The following SHOC2 variants were observed in gnomAD, a reference collection of about 807,000 sequenced individuals.
The protein encoded by SHOC2 is leucine-rich repeat protein SHOC-2.
SHOC2 carries 4 observed loss-of-function variants against 50.2 expected under a neutral mutation model. The observed-to-expected ratio is 0.08, with a 90% CI of 0.04 to 0.18. The LOEUF is 0.18. Ranked by LOEUF, SHOC2 falls within the 10% of genes least tolerant of loss-of-function variation. The pLI is 1.00. For missense variants in SHOC2, 388 were observed against 669.6 expected (o/e 0.58, Z 4.64); for synonymous variants, 218 against 244.5 (o/e 0.89, Z 1.01).
chr10:110,935,717 T>G (rs1054905308), intron 1 of SHOC2, among the ~76,000 whole-genome samples: 12 of 152,206 alleles, frequency 7.9e-5, no homozygotes, highest in Non-Finnish European at 1.6e-4. Context: ...TTATAGCTAA[T>G]GGACTAAGAG....
At chr10:110,975,039 A>T (rs1262961323) in intron 2 of SHOC2, among the ~76,000 whole-genome samples, 1 of 152,230 alleles carries the variant, frequency 6.6e-6, no homozygotes, top group Non-Finnish European at 1.5e-5. Flanking sequence ...TAACCATTGT[A>T]TAGTGATCAG....
intron 1 of SHOC2, among the ~76,000 whole-genome samples, chr10:110,923,697 A>G (rs559685496): frequency 6.6e-6 from 1 of 152,216 alleles, no homozygotes; most frequent in Non-Finnish European, 1.5e-5. Context: ...AAGAGTGAAC[A>G]TACTGCTTGT....
At chr10:110,942,030 A>G (rs1382616639) in intron 1 of SHOC2, among the ~76,000 whole-genome samples, 1 of 152,170 alleles carries the variant, frequency 6.6e-6, no homozygotes, top group African/African-American at 2.4e-5. Flanking sequence ...GCACCATCCA[A>G]AGAATTTTTC....
chr10:110,992,140 G>A (rs1848196094), intron 3 of SHOC2, among the ~76,000 whole-genome samples: 1 of 151,898 alleles, frequency 6.6e-6, no homozygotes, highest in South Asian at 2.1e-4. Context: ...GAACATTCCT[G>A]GAGTAACTAT....
intron 1 of SHOC2, among the ~76,000 whole-genome samples, chr10:110,960,867 G>A (rs1036504423): frequency 1.4e-4 from 21 of 152,028 alleles, no homozygotes; most frequent in African/African-American, 4.8e-4. Flanking sequence ...AGTAGAGATG[G>A]CGTTTCACCA....
intron 3 of SHOC2, among the ~76,000 whole-genome samples, chr10:110,996,814 C>T (rs922680423): frequency 6.6e-6 from 1 of 152,098 alleles, no homozygotes; most frequent in Admixed American, 6.5e-5. Flanking sequence ...AGAGTTCTGA[C>T]AGTGGATAAC....
intron 5 of SHOC2, 67 bp from the exon 6 acceptor site, chr10:111,007,464 G>A: frequency 6.5e-7 from 1 of 1,536,298 alleles, no homozygotes; most frequent in Non-Finnish European, 9.0e-7. Context: ...TCTTTCCGAA[G>A]TGACAGGTAT....
At chr10:110,972,688 T>G (rs537630767) in intron 2 of SHOC2, among the ~76,000 whole-genome samples, 1 of 152,154 alleles carries the variant, frequency 6.6e-6, no homozygotes, top group African/African-American at 2.4e-5. Context: ...CTACAAAAAA[T>G]TAGCTGGGCA....
intron 3 of SHOC2, among the ~76,000 whole-genome samples, chr10:110,990,851 A>G (rs943273652): frequency 6.6e-6 from 1 of 152,194 alleles, no homozygotes; most frequent in Admixed American, 6.5e-5. Flanking sequence ...TTGAAATGTT[A>G]TCAAGTGATT....
chr10:110,983,079 G>T (rs1248726234), intron 2 of SHOC2, among the ~76,000 whole-genome samples: 2 of 151,974 alleles, frequency 1.3e-5, no homozygotes, highest in Non-Finnish European at 2.9e-5. Flanking sequence ...AAATAATTAG[G>T]TTATATCTTA....
At chr10:110,953,711 T>C (rs1847401616) in intron 1 of SHOC2, among the ~76,000 whole-genome samples, 1 of 151,648 alleles carries the variant, frequency 6.6e-6, no homozygotes, top group African/African-American at 2.4e-5. Context: ...GAGATATATA[T>C]ATACACACAC....
chr10:110,921,510 A>G (rs1369803662), intron 1 of SHOC2, among the ~76,000 whole-genome samples: 1 of 152,074 alleles, frequency 6.6e-6, no homozygotes, highest in African/African-American at 2.4e-5. Flanking sequence ...AGGGTACTGC[A>G]TTTTCCCAAG....
intron 2 of SHOC2, among the ~76,000 whole-genome samples, chr10:110,969,359 T>G (rs1357767487): frequency 6.6e-6 from 1 of 152,194 alleles, no homozygotes; most frequent in Non-Finnish European, 1.5e-5. Flanking sequence ...CTTTTTTACC[T>G]CCTTTCCCAA....
chr10:110,930,735 C>CTTTT lies in SHOC2; in HGVS notation c.-235+11090_-235+11093dup, dbSNP rs772553111. Among the ~76,000 whole-genome samples, 8 of 96,810 alleles carry CTTTT rather than the reference C, an allele frequency of 8.3e-5. 1 individual carries two copies. Among genetic ancestry groups the CTTTT allele is most frequent in the African/African-American group, 2.7e-4 (8 of 29,250 alleles). 63.5% of individuals were successfully genotyped at this position (96,810 alleles called of 152,430 possible). A position where few individuals can be genotyped will look rare whatever the true frequency, so the allele number is the denominator to read the frequency against. On this transcript the variant is annotated intron_variant, in intron 1 of 8. Transcript: ENST00000369452. ...TTTAAGCAAATATTCACGAGTAAAT[C>CTTTT]TTTTTTTTTTTTTTTGGTAGTGTTT...
intron 1 of SHOC2, among the ~76,000 whole-genome samples, chr10:110,949,609 G>A (rs991502727): frequency 2.6e-5 from 4 of 151,800 alleles, no homozygotes; most frequent in East Asian, 1.9e-4. Flanking sequence ...TGATACCAAA[G>A]CCAAACAAGG....
chr10:110,989,124 T>A, intron 3 of SHOC2: 1 of 463,456 alleles, frequency 2.2e-6, no homozygotes, highest in South Asian at 1.6e-5. Flanking sequence ...AATTCTTTCA[T>A]CATGGTAAAA....
chr10:110,939,808 G>A (rs1425146073), intron 1 of SHOC2, among the ~76,000 whole-genome samples: 1 of 152,084 alleles, frequency 6.6e-6, no homozygotes, highest in East Asian at 1.9e-4. Context: ...TTAAGAATTG[G>A]TGCACAGGCC....
At chr10:110,976,344 C>G (rs187680450) in intron 2 of SHOC2, among the ~76,000 whole-genome samples, 1 of 151,000 alleles carries the variant, frequency 6.6e-6, no homozygotes, top group Non-Finnish European at 1.5e-5. Flanking sequence ...CAGGATCTCA[C>G]TCTGTTACCC....
intron 2 of SHOC2, among the ~76,000 whole-genome samples, chr10:110,983,277 C>T (rs780813548): frequency 2.0e-5 from 3 of 151,908 alleles, no homozygotes; most frequent in Non-Finnish European, 2.9e-5. Flanking sequence ...CACCAAAAAA[C>T]TATCTTATAT....
Sources: gnomAD v4.1 joint callset for allele counts (sites outside exome capture counted in the v4.1 genomes callset) on GRCh38, gnomAD v4.1.1 for gene constraint, MANE v1.5 for transcripts, NCBI Gene and HGNC (gene_info 2026-07-23, HGNC 2026-07-21) for gene names.